The following HAUS7 variants were observed in gnomAD, a reference collection of about 807,000 sequenced individuals.
HAUS7 encodes the protein HAUS augmin like complex subunit 7.
A neutral mutation model predicts 28.4 loss-of-function variants in HAUS7; 3 were observed. The observed-to-expected ratio is 0.11, with a 90% CI of 0.05 to 0.27. The LOEUF is 0.27. Ranked by LOEUF, HAUS7 falls within the 10% of genes least tolerant of loss-of-function variation. HAUS7 has a pLI of 1.00. For missense variants in HAUS7, 284 were observed against 297.3 expected (o/e 0.96, Z 0.33); for synonymous variants, 165 against 132.1 (o/e 1.25, Z -1.71).
In HAUS7 at chrX:153,492,693, C is replaced by T. The variant is rs781870535; in HGVS notation, c.-589+2681G>A. On this transcript the variant is annotated intron_variant, in intron 1 of 5. Coordinates refer to the HAUS7 transcript ENST00000370210. ...CCTGAGGGTGAGGTCGGTGCAGGGC[C>T]GGACTGCAGCGCCGCCTGGCTCCCC... is the stretch of plus-strand genomic sequence containing the variant. 5.4e-5 allele frequency among the ~76,000 whole-genome samples: 6 copies of T among 110,485 alleles called. No individual in the cohort carries two copies. In the Admixed American group the frequency reaches 5.7e-4, roughly 10 times the overall value.
At chrX:153,463,110 G>A (rs1556983706) in intron 3 of HAUS7, 1 of 335,079 alleles carries the variant, frequency 3.0e-6, no homozygotes, top group Admixed American at 3.1e-5. Flanking sequence ...CCCTGGGGGT[G>A]GAAGACCTTG....
intron 1 of HAUS7, among the ~76,000 whole-genome samples, chrX:153,484,685 GT>G (rs2089624573): frequency 8.9e-6 from 1 of 112,906 alleles, no homozygotes; most frequent in African/African-American, 3.2e-5. Context: ...GGACGTTTGG[GT>G]TTAATTATTC....
intron 1 of HAUS7, chrX:153,483,551 G>C: frequency 3.1e-6 from 2 of 646,661 alleles, no homozygotes; most frequent in Non-Finnish European, 3.7e-6. Context: ...AGAGGGCAAT[G>C]CTGAGCCACG....
chrX:153,483,602 G>C (rs2089615716), intron 1 of HAUS7, among the ~76,000 whole-genome samples: 1 of 111,863 alleles, frequency 8.9e-6, no homozygotes, highest in Admixed American at 9.3e-5. Context: ...CTCCAGGGGA[G>C]GACTTGTTCC....
intron 9 of HAUS7, among the ~76,000 whole-genome samples, chrX:153,449,773 C>T (rs1556980775): frequency 3.6e-5 from 4 of 112,400 alleles, no homozygotes; most frequent in Non-Finnish European, 7.5e-5. Context: ...CCTCCGGAGC[C>T]CTGCCCTTCA....
chrX:153,464,507 G>A (rs2089432676), intron 3 of HAUS7, among the ~76,000 whole-genome samples: 1 of 112,429 alleles, frequency 8.9e-6, no homozygotes, highest in African/African-American at 3.2e-5. Flanking sequence ...TTTGACCTTT[G>A]ACATTCCACC....
chrX:153,455,385 A>C (rs56164811), intron 8 of HAUS7, 157 bp downstream of exon 8: 19,144 of 455,401 alleles, frequency 0.042, 1,999 homozygotes, highest in African/African-American at 0.36. Context: ...GCCACTGGCC[A>C]GCAGGGAGCC....
upstream of HAUS7, among the ~76,000 whole-genome samples, chrX:153,472,086 G>A (rs980771272): frequency 1.8e-5 from 2 of 111,377 alleles, no homozygotes; most frequent in African/African-American, 6.5e-5. Context: ...GGAATTTGGC[G>A]GAAGAAACCA....
rs781806333 is a variant in HAUS7, at chrX:153,491,605, C to T, written c.-589+3769G>A. The stretch of plus-strand genomic sequence containing the variant: ...GCTACCTTCCAGCAGCCGTCCTGGG[C>T]GCTGTCCCAGGCAGGCTGGGGTGGC... On this transcript the variant is annotated intron_variant, in intron 1 of 5. Transcript: ENST00000370210. 2.7e-3 allele frequency among the ~76,000 whole-genome samples: 301 copies of T among 113,290 alleles called. 1 individual carries two copies. Among genetic ancestry groups the T allele is most frequent in the African/African-American group, 9.1e-3 (284 of 31,266 alleles).
upstream of HAUS7, chrX:153,470,707 C>A: frequency 5.9e-6 from 5 of 848,529 alleles, no homozygotes; most frequent in Non-Finnish European, 8.1e-6. Context: ...TCCGCCTGCG[C>A]GGGCCCCGGG....
chrX:153,449,045 T>C (rs1313995583), intron 9 of HAUS7, among the ~76,000 whole-genome samples: 2 of 111,882 alleles, frequency 1.8e-5, no homozygotes, highest in Non-Finnish European at 3.8e-5. Flanking sequence ...CCGTGGTGGC[T>C]GCGCTGACCT....
chrX:153,478,457 C>T (rs1162677694), intron 1 of HAUS7, among the ~76,000 whole-genome samples: 1 of 112,892 alleles, frequency 8.9e-6, no homozygotes, highest in Admixed American at 9.3e-5. Flanking sequence ...CAAAAGGATG[C>T]GTGCAGCCTA....
intron 1 of HAUS7, among the ~76,000 whole-genome samples, chrX:153,484,324 CAT>C (rs1556988013): frequency 8.9e-6 from 1 of 112,815 alleles, no homozygotes. Flanking sequence ...TTCTGGTGGA[CAT>C]AGGTTCTGGG....
At chrX:153,462,226 G>A in intron 4 of HAUS7, 1 of 736,374 alleles carries the variant, frequency 1.4e-6, no homozygotes, top group Non-Finnish European at 1.6e-6. Context: ...CAGGGTAGAT[G>A]AGGGACCTCG....
Position 153,454,476 on chromosome X carries a change from G to C in HAUS7, c.963C>G (p.Thr321=). 2 of 1,027,122 alleles carry C rather than the reference G, an allele frequency of 1.9e-6. No individual in the cohort carries two copies. Among genetic ancestry groups the C allele is most frequent in the South Asian group, 1.9e-5 (1 of 53,492 alleles). 84.6% of individuals were successfully genotyped at this position (1,027,122 alleles called of 1,213,427 possible). ...LLQVVMAVAD[T]SAKAVETVKK... Reference sequence around the variant, plus strand: ...TCACGGTCTCCACGGCCTTCGCAGAGGTGTCAGCAACTGCCATGACCACTT... The same window carrying C: ...TCACGGTCTCCACGGCCTTCGCAGACGTGTCAGCAACTGCCATGACCACTT... The change falls in exon 9 of 10, where the codon ACC becomes ACG. Residue 321 remains threonine (T), a synonymous_variant. Transcript: ENST00000370211.
intron 9 of HAUS7, among the ~76,000 whole-genome samples, chrX:153,452,960 G>A (rs1374562299): frequency 5.4e-5 from 6 of 112,045 alleles, no homozygotes; most frequent in Admixed American, 2.8e-4. Context: ...GTGACAGAGC[G>A]AGACTCCATC....
chrX:153,477,295 A>G (rs920963186), intron 1 of HAUS7, among the ~76,000 whole-genome samples: 1 of 113,372 alleles, frequency 8.8e-6, no homozygotes, highest in Non-Finnish European at 1.9e-5. Flanking sequence ...AGCGGCGCAA[A>G]CAGGGGAAAT....
intron 4 of HAUS7, among the ~76,000 whole-genome samples, chrX:153,459,690 T>C (rs1012041539): frequency 1.8e-5 from 2 of 111,989 alleles, no homozygotes; most frequent in Non-Finnish European, 3.8e-5. Context: ...GGGCACAAGA[T>C]AAGGAAATAC....
At chrX:153,493,887 C>T (rs1043955517) in intron 1 of HAUS7, among the ~76,000 whole-genome samples, 2 of 112,247 alleles carry the variant, frequency 1.8e-5, no homozygotes, top group Non-Finnish European at 3.8e-5. Context: ...CATTGGATGC[C>T]GCCTCTCTCT....
Sources: allele counts gnomAD v4.1 joint callset (sites outside exome capture counted in the v4.1 genomes callset), GRCh38; gene constraint gnomAD v4.1.1; transcripts MANE v1.5; gene names NCBI Gene and HGNC (gene_info 2026-07-23, HGNC 2026-07-21).